Variants in STARD3 observed in about 807,000 individuals in gnomAD.
The protein encoded by STARD3 is StAR related lipid transfer domain containing 3, also known as stAR-related lipid transfer protein 3.
A neutral mutation model predicts 62.0 loss-of-function variants in STARD3; 39 were observed. That is an observed-to-expected ratio of 0.63 (90% CI 0.49 to 0.82). The LOEUF is 0.82. Ranked by LOEUF, STARD3 falls within the 40% of genes least tolerant of loss-of-function variation. The pLI, the probability that STARD3 is intolerant of heterozygous loss-of-function variation, is 0.00. For missense variants in STARD3, 543 were observed against 584.5 expected (o/e 0.93, Z 0.73); for synonymous variants, 229 against 242.4 (o/e 0.94, Z 0.51).
At chr17:39,653,397 G>T (rs145649095) in intron 1 of STARD3, 84 bp from the exon 2 acceptor site, 7 of 927,894 alleles carry the variant, frequency 7.5e-6, no homozygotes, top group Admixed American at 7.4e-5. Context: ...AGACAAATGC[G>T]TTTGGGAGCC....
chr17:39,662,722 G>C lies in STARD3; in HGVS notation c.1234-82G>C. Reference sequence around the variant, plus strand: ...AGCTGCACCTGCATTCTGGCCCAGAGCCCCCCTGCTGGTGCCAGCTGCAAG... The same window carrying C: ...AGCTGCACCTGCATTCTGGCCCAGACCCCCCCTGCTGGTGCCAGCTGCAAG... On this transcript the variant is annotated intron_variant, in intron 14 of 14. Transcript: ENST00000336308. The C allele has an allele frequency of 5.3e-6, 7 of 1,330,114 alleles. No individual in the cohort carries two copies. The South Asian group carries it at 9.6e-5, about 18-fold the overall frequency. The allele number at this position is 1,330,114 out of a possible 1,614,324, so 82.4% of individuals were successfully genotyped here.
chr17:39,648,508 T>A (rs1336032176), intron 1 of STARD3, among the ~76,000 whole-genome samples: 1 of 152,024 alleles, frequency 6.6e-6, no homozygotes, highest in Non-Finnish European at 1.5e-5. Context: ...AACCACTGAC[T>A]TTCCCCCAGA....
chr17:39,662,193 G>C (rs935169871), intron 13 of STARD3, 58 bp from the exon 14 acceptor site: 3 of 1,498,044 alleles, frequency 2.0e-6, no homozygotes, highest in African/African-American at 1.4e-5. Flanking sequence ...GGGGCTGCGG[G>C]GGGGTGTCAG....
intron 13 of STARD3, 151 bp downstream of exon 13, chr17:39,661,236 T>G: frequency 1.5e-6 from 1 of 655,736 alleles, no homozygotes; most frequent in Non-Finnish European, 2.6e-6. Context: ...TCCTGGCTAC[T>G]AATCCTGCTA....
At chr17:39,651,204 GC>G (rs1018263110) in intron 1 of STARD3, among the ~76,000 whole-genome samples, 1 of 152,212 alleles carries the variant, frequency 6.6e-6, no homozygotes, top group Admixed American at 6.5e-5. Context: ...CGACTCTGCT[GC>G]AAACAGTCAG....
At chr17:39,659,431 G>A (rs190507988) in intron 8 of STARD3, 30 bp from the exon 9 acceptor site, 7 of 1,608,570 alleles carry the variant, frequency 4.4e-6, no homozygotes, top group Non-Finnish European at 6.0e-6. Context: ...GCCCCAGGCT[G>A]ACCCCTCCCT....
intron 1 of STARD3, 185 bp from the exon 2 acceptor site, chr17:39,653,296 C>T (rs898030312): frequency 4.4e-5 from 26 of 590,514 alleles, no homozygotes; most frequent in Middle Eastern, 4.5e-4. Flanking sequence ...AGATAATTAG[C>T]GGAATGCTCA....
chr17:39,658,982 C>T (rs1230118183), intron 7 of STARD3, 69 bp from the exon 8 acceptor site: 6 of 1,601,460 alleles, frequency 3.7e-6, no homozygotes, highest in East Asian at 4.5e-5. Flanking sequence ...CTCACATACC[C>T]GAACCCCACT....
At position 39,653,711 on chromosome 17, in the gene STARD3, C is replaced by T. The variant is rs769018683; in HGVS notation, c.180C>T (p.Asp60=). 6.2e-7 allele frequency: 1 copy of T among 1,614,190 alleles called. No homozygotes were observed. The highest frequency in any genetic ancestry group is 2.2e-5 in the East Asian group (1 of 44,884). ...RRTFCLFVTF[D]LLFISLLWII... Reference sequence around the variant, plus strand: ...CCTTCTGTCTCTTCGTCACCTTCGACCTGCTCTTCATCTCCCTGCTCTGGA... The same window carrying T: ...CCTTCTGTCTCTTCGTCACCTTCGATCTGCTCTTCATCTCCCTGCTCTGGA... Residue 60 remains aspartate (D), a synonymous_variant, in exon 2 of 15, where the codon GAC becomes GAT. Coordinates refer to ENST00000336308, the MANE Select transcript of STARD3 (RefSeq NM_006804.4).
intron 14 of STARD3, 118 bp from the exon 15 acceptor site, chr17:39,662,686 C>T (rs1250777749): frequency 6.0e-6 from 6 of 1,001,280 alleles, no homozygotes; most frequent in African/African-American, 1.6e-5. Context: ...GCGACCCAGG[C>T]TGGATTCCAG....
chr17:39,662,715 G>T (rs2057213481), intron 14 of STARD3, 89 bp from the exon 15 acceptor site: 1 of 1,279,546 alleles, frequency 7.8e-7, no homozygotes, highest in South Asian at 1.4e-5. Context: ...CTGCATTCTG[G>T]CCCAGAGCCC....
rs2057161975 is a variant in STARD3, at chr17:39,658,836, T to G, written c.646+16T>G. 1.2e-6 allele frequency: 2 copies of G among 1,612,738 alleles called. No homozygotes were observed. The highest frequency in any genetic ancestry group is 1.3e-5 in the African/African-American group (1 of 74,870). On this transcript the variant is annotated intron_variant, in intron 7 of 14. Coordinates refer to ENST00000336308, the MANE Select transcript of STARD3 (RefSeq NM_006804.4). Reference sequence around the variant, plus strand: ...TCCTTTGCAGGTGAGGGCTGGTGTGTGGGGGAACTGCTTTCAGGGAGGGGC... The same window carrying G: ...TCCTTTGCAGGTGAGGGCTGGTGTGGGGGGGAACTGCTTTCAGGGAGGGGC...
intron 1 of STARD3, among the ~76,000 whole-genome samples, chr17:39,644,667 C>G (rs2057008729): frequency 1.2e-5 from 1 of 86,576 alleles, no homozygotes; most frequent in African/African-American, 4.0e-5. Context: ...GAGACCCTGT[C>G]TCTACAAAAA....
At chr17:39,657,411 C>T (rs1005604919) in intron 3 of STARD3, among the ~76,000 whole-genome samples, 3 of 151,960 alleles carry the variant, frequency 2.0e-5, no homozygotes, top group Non-Finnish European at 2.9e-5. Flanking sequence ...CCCATAATCC[C>T]AGCTACTTGG....
intron 2 of STARD3, among the ~76,000 whole-genome samples, chr17:39,655,154 A>G (rs2057115236): frequency 6.6e-6 from 1 of 152,202 alleles, no homozygotes. Context: ...TCCTTACCCA[A>G]AAAGAGCTGA....
At chr17:39,662,494 TC>T in intron 14 of STARD3, 150 bp downstream of exon 14, 1 of 766,444 alleles carries the variant, frequency 1.3e-6, no homozygotes, top group Non-Finnish European at 2.1e-6. Flanking sequence ...TGGGTCAGGG[TC>T]CAGATGGTCT....
At chr17:39,659,879 G>A in intron 9 of STARD3, 1 of 511,200 alleles carries the variant, frequency 2.0e-6, no homozygotes, top group Non-Finnish European at 3.5e-6. Context: ...TACAAAGATC[G>A]TAGAGAGCTT....
intron 8 of STARD3, 134 bp downstream of exon 8, chr17:39,659,240 C>A: frequency 8.4e-7 from 1 of 1,195,790 alleles, no homozygotes; most frequent in South Asian, 1.4e-5. Context: ...CCGAGTGTCT[C>A]CCCCACCACC....
chr17:39,661,167 C>G, intron 13 of STARD3, 82 bp downstream of exon 13: 1 of 1,282,848 alleles, frequency 7.8e-7, no homozygotes, highest in Non-Finnish European at 1.1e-6. Context: ...GCATGTACAG[C>G]TGGGCACTTC....
Sources: gnomAD v4.1 joint callset for allele counts (sites outside exome capture counted in the v4.1 genomes callset) on GRCh38, gnomAD v4.1.1 for gene constraint, MANE v1.5 for transcripts, NCBI Gene and HGNC (gene_info 2026-07-23, HGNC 2026-07-21) for gene names.